ZPBP: variants seen among roughly 807,000 people sequenced by gnomAD.
The protein encoded by ZPBP is zona pellucida-binding protein 1.
ZPBP carries 26 observed loss-of-function variants against 44.8 expected under a neutral mutation model. The observed-to-expected ratio is 0.58, with a 90% CI of 0.43 to 0.81. ZPBP has a LOEUF of 0.81. ZPBP is among the 30% of genes least tolerant of loss of function. The pLI is 0.00. For missense variants in ZPBP, 409 were observed against 434.0 expected, an observed-to-expected ratio of 0.94 and a Z score of 0.51; for synonymous variants, 174 against 153.2, an observed-to-expected ratio of 1.14 and a Z score of -1.00.
chr7:49,948,039 C>T (rs1400246986), intron 7 of ZPBP, among the ~76,000 whole-genome samples: 1 of 152,190 alleles, frequency 6.6e-6, no homozygotes, highest in Non-Finnish European at 1.5e-5. Flanking sequence ...GCCCAAAGGC[C>T]CTTCAGTCAG....
intron 2 of ZPBP, among the ~76,000 whole-genome samples, chr7:50,084,571 C>T (rs1005549816): frequency 4.6e-5 from 7 of 151,826 alleles, no homozygotes; most frequent in Non-Finnish European, 8.8e-5. Context: ...ATGCCAAGAC[C>T]TTACATGACA....
intron 2 of ZPBP, among the ~76,000 whole-genome samples, chr7:49,863,425 C>T (rs1225738793): frequency 6.6e-6 from 1 of 151,954 alleles, no homozygotes; most frequent in Non-Finnish European, 1.5e-5. Context: ...ATTCTCTCTC[C>T]CTTTTTTTCT....
At chr7:50,005,542 T>A (rs1798268733) in intron 6 of ZPBP, among the ~76,000 whole-genome samples, 1 of 152,036 alleles carries the variant, frequency 6.6e-6, no homozygotes, top group Admixed American at 6.6e-5. Flanking sequence ...TGACATTAAG[T>A]TGTTATCAGT....
intron 4 of ZPBP, among the ~76,000 whole-genome samples, chr7:50,032,926 C>T (rs953258200): frequency 2.0e-5 from 3 of 152,148 alleles, no homozygotes; most frequent in Non-Finnish European, 2.9e-5. Context: ...TACAATTAGA[C>T]TGGGTAAGAA....
chr7:49,863,435 T>G (rs1254800128), intron 2 of ZPBP, among the ~76,000 whole-genome samples: 1 of 152,162 alleles, frequency 6.6e-6, no homozygotes, highest in Non-Finnish European at 1.5e-5. Flanking sequence ...CCTTTTTTTC[T>G]TTTCTTTTCT....
At chr7:49,844,771 C>T in the ZPBP span, among the ~76,000 whole-genome samples, 1 of 152,150 alleles carries the variant, frequency 6.6e-6, no homozygotes, top group Admixed American at 6.5e-5. Context: ...CAGTTCACTG[C>T]AACCTCTGCC....
At chr7:50,076,320 T>G (rs992341841) in intron 3 of ZPBP, among the ~76,000 whole-genome samples, 5 of 151,868 alleles carry the variant, frequency 3.3e-5, no homozygotes, top group Admixed American at 6.6e-5. Flanking sequence ...TCATACTGAA[T>G]GGAGAAAAAC....
intron 5 of ZPBP, among the ~76,000 whole-genome samples, chr7:50,030,405 A>G (rs1024633159): frequency 1.3e-5 from 2 of 152,104 alleles, no homozygotes; most frequent in African/African-American, 4.8e-5. Flanking sequence ...TTGTGCTTCT[A>G]AAACTTCAAT....
At position 50,019,913 on chromosome 7, in the gene ZPBP, G is replaced by T. The variant is rs549875885; in HGVS notation, c.707-1597C>A. Among the ~76,000 whole-genome samples the T allele has an allele frequency of 3.3e-4, 50 of 152,036 alleles. No homozygotes were observed. In the South Asian group the frequency reaches 0.01, roughly 31 times the overall value. ...TTTACCTTAAGTCCTTTTAAAAAATGAGATTATCTAAATCTAGGCCCAAGA... is the reference window on the plus strand; with the variant it reads ...TTTACCTTAAGTCCTTTTAAAAAATTAGATTATCTAAATCTAGGCCCAAGA... On this transcript the variant is annotated intron_variant, in intron 5 of 7. Transcript: ENST00000046087.
intron 4 of ZPBP, among the ~76,000 whole-genome samples, chr7:50,043,821 C>G (rs754895425): frequency 3.9e-5 from 6 of 152,124 alleles, no homozygotes; most frequent in African/African-American, 7.2e-5. Flanking sequence ...ATGAACCTAA[C>G]AGACATCTAC....
intron 2 of ZPBP, among the ~76,000 whole-genome samples, chr7:49,898,750 AC>A (rs1445695794): frequency 6.6e-6 from 1 of 152,120 alleles, no homozygotes; most frequent in Non-Finnish European, 1.5e-5. Flanking sequence ...TACTCTCATT[AC>A]CCACAAAGTG....
intron 5 of ZPBP, among the ~76,000 whole-genome samples, chr7:50,027,378 G>A (rs1180103032): frequency 6.6e-6 from 1 of 151,522 alleles, no homozygotes; most frequent in Non-Finnish European, 1.5e-5. Flanking sequence ...ACAACAAACA[G>A]GTCAAAAAAA....
At chr7:49,891,992 A>G (rs190481128) in intron 2 of ZPBP, among the ~76,000 whole-genome samples, 16 of 148,802 alleles carry the variant, frequency 1.1e-4, no homozygotes, top group Admixed American at 6.0e-4. Context: ...CCTATAAATT[A>G]TAACCAAAAG....
chr7:49,879,492 A>G (rs6966640), intron 2 of ZPBP, among the ~76,000 whole-genome samples: 112,927 of 152,038 alleles, frequency 0.74, 42,178 homozygotes, highest in East Asian at 0.88. Context: ...AGCATGGCAT[A>G]TAATAGAATG....
At position 49,926,975 on chromosome 7, in the gene ZPBP, A is replaced by C. The variant is rs182405705; in HGVS notation, n.411+8776T>G. 1.1e-4 allele frequency among the ~76,000 whole-genome samples: 16 copies of C among 152,340 alleles called. No homozygotes were observed. In the East Asian group the frequency reaches 3.1e-3, roughly 29 times the overall value. On this transcript the variant is annotated intron_variant and non_coding_transcript_variant, in intron 1 of 2. Coordinates refer to the ZPBP transcript ENST00000465922. Reference sequence around the variant, plus strand: ...CAGTCTAGAAGCACAGACGCAGTGCAAACACAGTGGAATCAGAGTGCAGCA... The same window carrying C: ...CAGTCTAGAAGCACAGACGCAGTGCCAACACAGTGGAATCAGAGTGCAGCA...
intron 7 of ZPBP, among the ~76,000 whole-genome samples, chr7:49,976,098 A>C (rs1440307349): frequency 6.6e-6 from 1 of 152,238 alleles, no homozygotes; most frequent in Non-Finnish European, 1.5e-5. Flanking sequence ...ACAATGGTTG[A>C]AACTGAAAAC....
At chr7:50,050,083 T>C (rs964154442) in intron 4 of ZPBP, among the ~76,000 whole-genome samples, 1 of 151,928 alleles carries the variant, frequency 6.6e-6, no homozygotes, top group Non-Finnish European at 1.5e-5. Context: ...AACATGTATA[T>C]GCAAATGAAA....
At chr7:49,908,105 A>T (rs1409946340) in intron 1 of ZPBP, among the ~76,000 whole-genome samples, 2 of 152,200 alleles carry the variant, frequency 1.3e-5, no homozygotes, top group Non-Finnish European at 2.9e-5. Context: ...TCTTTCAGGG[A>T]CCACTGTCTG....
intron 2 of ZPBP, among the ~76,000 whole-genome samples, chr7:50,084,351 A>AG (rs566272384): frequency 1.4e-5 from 1 of 73,686 alleles, no homozygotes; most frequent in African/African-American, 6.0e-5. Context: ...AACATGTACC[A>AG]AAAAAAAAAA....
Sources: gnomAD v4.1 joint callset for allele counts (sites outside exome capture counted in the v4.1 genomes callset) on GRCh38, gnomAD v4.1.1 for gene constraint, MANE v1.5 for transcripts, NCBI Gene and HGNC (gene_info 2026-07-23, HGNC 2026-07-21) for gene names.